The following EZH2 variants were observed in gnomAD, a reference collection of about 807,000 sequenced individuals.
EZH2 encodes histone-lysine N-methyltransferase EZH2.
Under a neutral mutation model 98.4 loss-of-function variants are expected in EZH2, and 18 were observed. That is an observed-to-expected ratio of 0.18 (90% CI 0.13 to 0.27). EZH2 has a LOEUF of 0.27. Ranked by LOEUF, EZH2 falls within the 10% of genes least tolerant of loss-of-function variation. The pLI, the probability that EZH2 is intolerant of heterozygous loss-of-function variation, is 1.00. For synonymous variants in EZH2, 338 were observed against 312.3 expected, an observed-to-expected ratio of 1.08 and a Z score of -0.87; for missense variants, 470 against 935.1, an observed-to-expected ratio of 0.50 and a Z score of 6.49.
At chr7:148,829,025 G>C (rs1808545692) in intron 5 of EZH2, 145 bp from the exon 6 acceptor site, 1 of 862,702 alleles carries the variant, frequency 1.2e-6, no homozygotes, top group African/African-American at 1.7e-5. Context: ...GAAAAGATAA[G>C]ATCATTTTCA....
intron 1 of EZH2, among the ~76,000 whole-genome samples, chr7:148,869,627 T>C (rs1310461822): frequency 6.6e-6 from 1 of 152,184 alleles, no homozygotes; most frequent in Non-Finnish European, 1.5e-5. Context: ...CGTGAGCCAA[T>C]GCACTTGGCC....
intron 3 of EZH2, among the ~76,000 whole-genome samples, chr7:148,842,902 C>A (rs900479458): frequency 6.6e-6 from 1 of 151,592 alleles, no homozygotes; most frequent in Non-Finnish European, 1.5e-5. Flanking sequence ...CCTGTCTCTA[C>A]AAAATAATAC....
chr7:148,826,964 T>C (rs1007539243), intron 7 of EZH2, among the ~76,000 whole-genome samples, 200 bp downstream of exon 7: 1 of 152,256 alleles, frequency 6.6e-6, no homozygotes, highest in Non-Finnish European at 1.5e-5. Flanking sequence ...ATATAAATTA[T>C]ACATATGTAT....
chr7:148,825,872 T>A (rs1219025624), intron 8 of EZH2, among the ~76,000 whole-genome samples: 2 of 152,196 alleles, frequency 1.3e-5, no homozygotes, highest in African/African-American at 4.8e-5. Flanking sequence ...AAGTTTCAAT[T>A]ACCAGGAAAA....
chr7:148,863,709 C>A (rs1818033510), intron 1 of EZH2, among the ~76,000 whole-genome samples: 1 of 152,144 alleles, frequency 6.6e-6, no homozygotes, highest in Non-Finnish European at 1.5e-5. Context: ...CACACAAGCT[C>A]ATTACTGTGA....
At chr7:148,812,410 A>T (rs1482938432) in intron 15 of EZH2, among the ~76,000 whole-genome samples, 1 of 152,220 alleles carries the variant, frequency 6.6e-6, no homozygotes, top group Non-Finnish European at 1.5e-5. Flanking sequence ...ATCACGGCTC[A>T]GTATTATGCT....
chr7:148,845,749 C>T (rs1385933332), intron 3 of EZH2, among the ~76,000 whole-genome samples: 2 of 152,218 alleles, frequency 1.3e-5, no homozygotes, highest in African/African-American at 2.4e-5. Flanking sequence ...TTCCAACTCG[C>T]TCTTTCCCCT....
Position 148,816,025 on chromosome 7 carries a change from T to TA in EZH2, c.1506-480dup, listed in dbSNP as rs374085586. On this transcript the variant is annotated intron_variant, in intron 12 of 19. Transcript: ENST00000320356. ...GGGTTGGCCCTACACTTATTTTTGTTAAAGTAAGAAAATGTAACATGAGCC... is the reference window on the plus strand; with the variant it reads ...GGGTTGGCCCTACACTTATTTTTGTTAAAAGTAAGAAAATGTAACATGAGCC... Among the ~76,000 whole-genome samples, 222 of 152,358 alleles carry TA rather than the reference T, an allele frequency of 1.5e-3. 2 individuals carry two copies. The highest frequency in any genetic ancestry group is 5.2e-3 in the African/African-American group (216 of 41,588).
chr7:148,809,818 A>C (rs567966825), intron 17 of EZH2, among the ~76,000 whole-genome samples: 5 of 152,322 alleles, frequency 3.3e-5, no homozygotes, highest in African/African-American at 9.6e-5. Context: ...AATATCTTAC[A>C]TGTTAAGCCT....
intron 14 of EZH2, 137 bp downstream of exon 14, chr7:148,814,777 A>G (rs1584915602): frequency 3.6e-6 from 4 of 1,118,092 alleles, no homozygotes; most frequent in Non-Finnish European, 3.7e-6. Context: ...ATGGGGCTCA[A>G]TAAATACTTG....
At chr7:148,817,479 A>G (rs1194240666) in intron 10 of EZH2, 88 bp from the exon 11 acceptor site, 3 of 1,351,920 alleles carry the variant, frequency 2.2e-6, no homozygotes, top group Middle Eastern at 1.9e-4. Flanking sequence ...GAAAAAAGCG[A>G]AAAGATGAGG....
intron 1 of EZH2, among the ~76,000 whole-genome samples, chr7:148,883,722 C>T (rs1821373831): frequency 1.3e-5 from 2 of 151,824 alleles, no homozygotes; most frequent in Non-Finnish European, 2.9e-5. Flanking sequence ...GACTCGGCGG[C>T]TGGGTCCCAC....
intron 3 of EZH2, chr7:148,836,763 T>C: frequency 2.2e-6 from 1 of 453,602 alleles, no homozygotes; most frequent in Non-Finnish European, 4.3e-6. Flanking sequence ...TGCTACATTT[T>C]CAGAGAAACA....
intron 1 of EZH2, among the ~76,000 whole-genome samples, chr7:148,874,048 T>C (rs1819845094): frequency 1.3e-5 from 2 of 152,030 alleles, no homozygotes; most frequent in South Asian, 4.1e-4. Context: ...TCCTGTAGAC[T>C]AGTAAGAAAA....
At chr7:148,855,531 T>C (rs2888566) in intron 1 of EZH2, among the ~76,000 whole-genome samples, 16,787 of 152,092 alleles carry the variant, frequency 0.11, 1,120 homozygotes, top group Non-Finnish European at 0.15. Flanking sequence ...CTCAGAGTCA[T>C]TGTGAGAAGT....
intron 1 of EZH2, chr7:148,883,558 G>A (rs1030712116): frequency 6.7e-6 from 1 of 150,056 alleles, no homozygotes; most frequent in Non-Finnish European, 1.5e-5. Context: ...CGGGACCGGG[G>A]GCGTGCGCGA....
At chr7:148,866,741 GT>G (rs1173761550) in intron 1 of EZH2, among the ~76,000 whole-genome samples, 1 of 148,372 alleles carries the variant, frequency 6.7e-6, no homozygotes, top group Non-Finnish European at 1.5e-5. Context: ...GTGAGACAGG[GT>G]CTCACTCTGT....
intron 1 of EZH2, among the ~76,000 whole-genome samples, chr7:148,872,153 CA>C (rs1488072073): frequency 6.6e-6 from 1 of 152,044 alleles, no homozygotes; most frequent in Non-Finnish European, 1.5e-5. Flanking sequence ...ACAGCCTTTA[CA>C]GAAAAGAAAA....
chr7:148,809,338 A>G lies in EZH2; in HGVS notation c.2082T>C (p.His694=). 6.2e-7 allele frequency: 1 copy of G among 1,604,044 alleles called. No individual in the cohort carries two copies. Among genetic ancestry groups the G allele is most frequent in the Non-Finnish European group, 8.5e-7 (1 of 1,171,332 alleles). The part of the protein sequence containing the change: ...RKGNKIRFAN[H]SVNPNCYAKV... ...TTGCATAGCAGTTTGGATTTACCGA[A>G]TGATTTGCAAAACGAATTTTGTTAC... The change falls in exon 18 of 20, where the codon CAT becomes CAC. Residue 694 remains histidine (H), a synonymous_variant. Coordinates refer to ENST00000320356, the MANE Select transcript of EZH2 (RefSeq NM_004456.5).
Sources: allele counts gnomAD v4.1 joint callset (sites outside exome capture counted in the v4.1 genomes callset), GRCh38; gene constraint gnomAD v4.1.1; transcripts MANE v1.5; gene names NCBI Gene and HGNC (gene_info 2026-07-23, HGNC 2026-07-21).